FXR2: variants seen among roughly 807,000 people sequenced by gnomAD.
The protein encoded by FXR2 is FMR1 autosomal homolog 2.
Under a neutral mutation model 87.3 loss-of-function variants are expected in FXR2, and 9 were observed. That is an observed-to-expected ratio of 0.10 (90% CI 0.06 to 0.18). FXR2 has a LOEUF of 0.18. FXR2 is among the 10% of genes least tolerant of loss of function. The probability of loss-of-function intolerance (pLI) is 1.00; values close to 1 mark genes in which losing one functional copy is unlikely to be tolerated. For synonymous variants in FXR2, 331 were observed against 328.3 expected, an observed-to-expected ratio of 1.01 and a Z score of -0.09; for missense variants, 661 against 893.6, an observed-to-expected ratio of 0.74 and a Z score of 3.32.
At chr17:7,611,754 CA>C (rs1265088783) in intron 1 of FXR2, among the ~76,000 whole-genome samples, 9 of 152,072 alleles carry the variant, frequency 5.9e-5, no homozygotes, top group African/African-American at 2.2e-4. Context: ...CCCAAATGTA[CA>C]ATTCCAGAAG....
At chr17:7,612,680 G>GT (rs1220431170) in intron 1 of FXR2, among the ~76,000 whole-genome samples, 1 of 152,052 alleles carries the variant, frequency 6.6e-6, no homozygotes, top group African/African-American at 2.4e-5. Context: ...GCAAAAATGG[G>GT]TAAGTATGAA....
At chr17:7,605,935 A>G in intron 2 of FXR2, 162 bp downstream of exon 2, 1 of 649,184 alleles carries the variant, frequency 1.5e-6, no homozygotes, top group Non-Finnish European at 2.7e-6. Context: ...CCCCACCCTC[A>G]CCAAATTCTC....
Position 7,603,875 on chromosome 17 carries a change from C to T in FXR2, c.331G>A (p.Ala111Thr). The change falls in exon 5 of 17, where the codon GCC (alanine) becomes ACC (threonine). Residue 111 changes from alanine (A) to threonine (T), a missense_variant. Transcript: ENST00000250113. ...AGGGTAACAATTTCATTGTAGGTGG[C>T]ATCACAGGCAGCATATTCAATGACA... ...FYVIEYAACD[A>T]TYNEIVTLER... is the part of the protein sequence containing the mutation. 1 of 1,613,924 alleles carries T rather than the reference C, an allele frequency of 6.2e-7. No individual in the cohort carries two copies. Among genetic ancestry groups the T allele is most frequent in the Non-Finnish European group, 8.5e-7 (1 of 1,179,862 alleles).
chr17:7,614,893 A>ACTGCGCAGGCGCACCGGGCACCCGCCCG lies in FXR2; in HGVS notation c.-362_-361insCGGGCGGGTGCCCGGTGCGCCTGCGCAG, dbSNP rs2071937685. The ACTGCGCAGGCGCACCGGGCACCCGCCCG allele has an allele frequency of 6.5e-6, 1 of 153,566 alleles. No homozygotes were observed. Among genetic ancestry groups the ACTGCGCAGGCGCACCGGGCACCCGCCCG allele is most frequent in the Non-Finnish European group, 1.5e-5 (1 of 68,780 alleles). The allele number at this position is 153,566 out of a possible 1,614,324, so 9.5% of individuals were successfully genotyped here. A position where few individuals can be genotyped will look rare whatever the true frequency, so the allele number is the denominator to read the frequency against. ...CCACCTCCCCCTGCCACCGCCGCCT[A>ACTGCGCAGGCGCACCGGGCACCCGCCCG]CTGCGCAGGCGCACCGGGCACCCGC... On this transcript the variant is annotated 5_prime_UTR_variant, in exon 1 of 17. Coordinates refer to ENST00000250113, the MANE Select transcript of FXR2 (RefSeq NM_004860.4).
In FXR2 at chr17:7,593,888, C is replaced by A. The variant is rs769205750; in HGVS notation, c.1107+30G>T. 8 of 1,412,416 alleles carry A rather than the reference C, an allele frequency of 5.7e-6. No individual in the cohort carries two copies. Among genetic ancestry groups the A allele is most frequent in the Non-Finnish European group, 8.0e-6 (8 of 995,780 alleles). The allele number at this position is 1,412,416 out of a possible 1,614,324, so 87.5% of individuals were successfully genotyped here. ...CAGCAGTCTTAGTTCCCTTTTCACA[C>A]CCAGCATTTTTCTCTCCCGGCCTGG... On this transcript the variant is annotated intron_variant, in intron 11 of 16. Coordinates refer to ENST00000250113, the MANE Select transcript of FXR2 (RefSeq NM_004860.4). The surrounding 1 kb of genome is among the most constrained non-coding windows in gnomAD (Gnocchi z 6.1).
chr17:7,594,399 G>A lies in FXR2; in HGVS notation c.911-52C>T. 9.0e-7 allele frequency: 1 copy of A among 1,111,064 alleles called. No homozygotes were observed. Among genetic ancestry groups the A allele is most frequent in the Non-Finnish European group, 1.4e-6 (1 of 734,908 alleles). 68.8% of individuals were successfully genotyped at this position (1,111,064 alleles called of 1,614,324 possible). On this transcript the variant is annotated intron_variant, in intron 9 of 16. Transcript: ENST00000250113. The surrounding 1 kb of genome is among the most constrained non-coding windows in gnomAD (Gnocchi z 5.1). ...CCTTTTATTTTTTTTAAGGAAATAA[G>A]AATAAAGCTGATACACCGTCTTCCA...
intron 7 of FXR2, among the ~76,000 whole-genome samples, chr17:7,597,427 G>A (rs2071716098): frequency 2.0e-5 from 3 of 151,642 alleles, no homozygotes; most frequent in Admixed American, 2.0e-4. Flanking sequence ...GAGGGGAAGA[G>A]ATCTACAATG....
At position 7,593,150 on chromosome 17, in the gene FXR2, C is replaced by T. The variant is rs1230337801; in HGVS notation, c.1362G>A (p.Glu454=). ...GPSSDVSTAS[E]TESEKREEPN... Reference sequence around the variant, plus strand: ...GCTCCTCTCTCTTCTCTGACTCAGTCTCTGAAGCTGTAGACACATCTGAGC... The same window carrying T: ...GCTCCTCTCTCTTCTCTGACTCAGTTTCTGAAGCTGTAGACACATCTGAGC... The change falls in exon 13 of 17, where the codon GAG becomes GAA. Residue 454 remains glutamate, a synonymous_variant. Coordinates refer to ENST00000250113, the MANE Select transcript of FXR2 (RefSeq NM_004860.4). The surrounding 1 kb of genome is among the most constrained non-coding windows in gnomAD (Gnocchi z 6.1). 1.2e-5 allele frequency: 19 copies of T among 1,544,748 alleles called. No individual in the cohort carries two copies. Among genetic ancestry groups the T allele is most frequent in the Non-Finnish European group, 1.6e-5 (18 of 1,148,838 alleles).
chr17:7,605,515 T>G (rs2071795880), intron 3 of FXR2, 130 bp downstream of exon 3: 1 of 588,098 alleles, frequency 1.7e-6, no homozygotes, highest in Admixed American at 2.9e-5. Context: ...AACTGTTGCA[T>G]TTTACATTTC....
chr17:7,598,327 C>T lies in FXR2; in HGVS notation c.661-2333G>A, dbSNP rs573237638. Reference sequence around the variant, plus strand: ...AAAATCAGCCGGGCGTGGTGGCAGGCGCCTGTAGTCCCAGCTTCTCGTGAG... The same window carrying T: ...AAAATCAGCCGGGCGTGGTGGCAGGTGCCTGTAGTCCCAGCTTCTCGTGAG... On this transcript the variant is annotated intron_variant, in intron 7 of 16. Transcript: ENST00000250113. 2.6e-4 allele frequency among the ~76,000 whole-genome samples: 40 copies of T among 152,170 alleles called. No individual in the cohort carries two copies. The South Asian group carries it at 5.8e-3, about 22-fold the overall frequency.
intron 2 of FXR2, 170 bp downstream of exon 2, chr17:7,605,927 C>T: frequency 1.6e-6 from 1 of 645,136 alleles, no homozygotes; most frequent in Non-Finnish European, 2.7e-6. Flanking sequence ...TCAAATGCCC[C>T]CACCCTCACC....
At position 7,614,334 on chromosome 17, in the gene FXR2, G is replaced by A. The variant is rs965830615; in HGVS notation, c.81+118C>T. On this transcript the variant is annotated intron_variant, in intron 1 of 16. Coordinates refer to ENST00000250113, the MANE Select transcript of FXR2 (RefSeq NM_004860.4). ...GGGAAGGCTGCGGGTTGGAGCAAGG[G>A]TCCAAGATTCTAAGGGCCAGGACTC... The A allele has an allele frequency of 1.2e-5, 9 of 768,866 alleles. No individual in the cohort carries two copies. In the African/African-American group the frequency reaches 1.2e-4, roughly 10 times the overall value. 47.6% of individuals were successfully genotyped at this position (768,866 alleles called of 1,614,324 possible). A position where few individuals can be genotyped will look rare whatever the true frequency, so the allele number is the denominator to read the frequency against.
rs752927058 is a variant in FXR2, at chr17:7,595,831, T to A, written c.824A>T (p.Tyr275Phe). 6.2e-7 allele frequency: 1 copy of A among 1,613,592 alleles called. No homozygotes were observed. The highest frequency in any genetic ancestry group is 8.5e-7 in the Non-Finnish European group (1 of 1,179,650). ...AAGACATCCTTTGCTGACCTCCCCA[T>A]AGATGCGGAAAGTGCAGGTCTCTTC... is the stretch of plus-strand genomic sequence containing the variant. Reference protein sequence around the residue: ...LGEETCTFRIYGETPEACRQA... With the variant: ...LGEETCTFRIFGETPEACRQA... The change falls in exon 8 of 17, where the codon TAT becomes TTT. Residue 275 changes from tyrosine to phenylalanine, a missense_variant. By Grantham distance (22) the Tyr-to-Phe change is conservative (BLOSUM62 3). Coordinates refer to ENST00000250113, the MANE Select transcript of FXR2 (RefSeq NM_004860.4). The surrounding 1 kb of genome is among the most constrained non-coding windows in gnomAD (Gnocchi z 4.7).
rs1371712798 is a variant in FXR2 at position 7,604,070 on chromosome 17, C to T, written c.239G>A (p.Arg80Gln). 3 of 1,570,638 alleles carry T rather than the reference C, an allele frequency of 1.9e-6. No homozygotes were observed. The highest frequency in any genetic ancestry group is 8.6e-7 in the Non-Finnish European group (1 of 1,157,996). Residue 80 changes from arginine (R) to glutamine (Q), a missense_variant, in exon 4 of 17, where the codon CGA becomes CAA. Around this residue, in one of 3 missense-constraint regions of FXR2, gnomAD observed 170 missense variants for 247.2 expected, o/e 0.69. Transcript: ENST00000250113. ...TEGDEVEVYS[R>Q]ANEQEPCGWW... ...GCCACAAGGTTCCTGTTCATTGGCT[C>T]GAGAATAAACCTAAAGAAAAGTAGA...
At chr17:7,609,931 T>TATATATATACGTATATGTATAC (rs1567753728) in intron 1 of FXR2, among the ~76,000 whole-genome samples, 85 of 86,848 alleles carry the variant, frequency 9.8e-4, no homozygotes, top group Admixed American at 2.5e-3. Context: ...CATGTATATG[T>TATATATATACGTATATGTATAC]ATATATATAC....
intron 1 of FXR2, among the ~76,000 whole-genome samples, chr17:7,606,807 A>AT (rs2071806864): frequency 6.6e-6 from 1 of 152,178 alleles, no homozygotes; most frequent in Non-Finnish European, 1.5e-5. Context: ...CAATCTTGAT[A>AT]TTTTGACAAG....
At chr17:7,611,585 T>C (rs758464922) in intron 1 of FXR2, among the ~76,000 whole-genome samples, 1 of 151,948 alleles carries the variant, frequency 6.6e-6, no homozygotes, top group Non-Finnish European at 1.5e-5. Flanking sequence ...CAAGAATCAC[T>C]TGAACCTGGG....
Position 7,601,541 on chromosome 17 carries a change from TG to T in FXR2, c.544-17del, listed in dbSNP as rs2071755645. On this transcript the variant is annotated splice_polypyrimidine_tract_variant and intron_variant, in intron 6 of 16. Coordinates refer to ENST00000250113, the MANE Select transcript of FXR2 (RefSeq NM_004860.4). ...CTGTGGTTGACTGGGAGGAAACCAG[TG>T]GGAAAGTCATTAAAACTGGCTTGGA... The T allele has an allele frequency of 6.9e-7, 1 of 1,448,546 alleles. No individual in the cohort carries two copies. The highest frequency in any genetic ancestry group is 9.7e-7 in the Non-Finnish European group (1 of 1,030,154). The allele number at this position is 1,448,546 out of a possible 1,614,324, so 89.7% of individuals were successfully genotyped here. A position where few individuals can be genotyped will look rare whatever the true frequency, so the allele number is the denominator to read the frequency against.
Position 7,592,244 on chromosome 17 carries a change from G to C in FXR2, c.1926+10C>G. The C allele has an allele frequency of 6.3e-7, 1 of 1,596,126 alleles. No individual in the cohort carries two copies. The highest frequency in any genetic ancestry group is 1.1e-5 in the South Asian group (1 of 90,710). On this transcript the variant is annotated intron_variant, in intron 16 of 16. Coordinates refer to ENST00000250113, the MANE Select transcript of FXR2 (RefSeq NM_004860.4). The surrounding 1 kb of genome is among the most constrained non-coding windows in gnomAD (Gnocchi z 4.8). Reference sequence around the variant, plus strand: ...AAAGGGATGGGGTAAAGCACATCTTGCCTGCCTACCTTCTGTCCTGAAAGA... The same window carrying C: ...AAAGGGATGGGGTAAAGCACATCTTCCCTGCCTACCTTCTGTCCTGAAAGA...
Sources: allele counts gnomAD v4.1 joint callset (sites outside exome capture counted in the v4.1 genomes callset), GRCh38; gene constraint gnomAD v4.1.1; regional missense constraint gnomAD v4.1.1; non-coding constraint Gnocchi (gnomAD v3.1); transcripts MANE v1.5; gene names NCBI Gene and HGNC (gene_info 2026-07-23, HGNC 2026-07-21).